TBK1: variants seen among roughly 807,000 people sequenced by gnomAD.
TBK1 encodes the protein TANK binding kinase 1, also known as serine/threonine-protein kinase TBK1.
TBK1 carries 37 observed loss-of-function variants against 99.9 expected under a neutral mutation model. The observed-to-expected ratio is 0.37, with a 90% CI of 0.28 to 0.49. The LOEUF is 0.49. TBK1 is among the 20% of genes least tolerant of loss of function. The probability of loss-of-function intolerance (pLI) is 0.98; values close to 1 mark genes in which losing one functional copy is unlikely to be tolerated. For missense variants in TBK1, 644 were observed against 872.5 expected (o/e 0.74, Z 3.30); for synonymous variants, 258 against 279.8 (o/e 0.92, Z 0.78).
chr12:64,496,419 A>G lies in TBK1; in HGVS notation c.1760+13A>G. The G allele has an allele frequency of 8.2e-7, 1 of 1,224,706 alleles. No individual in the cohort carries two copies. The highest frequency in any genetic ancestry group is 2.4e-5 in the Admixed American group (1 of 40,894). 75.9% of individuals were successfully genotyped at this position (1,224,706 alleles called of 1,614,324 possible). A position where few individuals can be genotyped will look rare whatever the true frequency, so the allele number is the denominator to read the frequency against. ...ACAAATTTGATAAGTAAGTATCCAG[A>G]TTATGTTTAATAGTTATTTTTGGTG... On this transcript the variant is annotated intron_variant, in intron 16 of 20. Transcript: ENST00000331710.
intron 16 of TBK1, 87 bp downstream of exon 16, chr12:64,496,493 A>C (rs1316509565): frequency 1.6e-6 from 1 of 621,114 alleles, no homozygotes; most frequent in Non-Finnish European, 2.5e-6. Flanking sequence ...GTTGAAATTA[A>C]TTACAATTTA....
intron 3 of TBK1, among the ~76,000 whole-genome samples, chr12:64,463,573 GCCCGTAAT>G (rs1453419208): frequency 6.6e-6 from 1 of 151,410 alleles, no homozygotes; most frequent in Non-Finnish European, 1.5e-5. Context: ...GGTGGAGCAT[GCCCGTAAT>G]CCCAGCTACT....
chr12:64,492,867 G>A (rs1045181400), intron 13 of TBK1, among the ~76,000 whole-genome samples: 3 of 146,974 alleles, frequency 2.0e-5, no homozygotes, highest in Non-Finnish European at 4.5e-5. Context: ...GACTTCAGGC[G>A]CCCGCCACCA....
chr12:64,499,037 C>CTTTTTT (rs763709411), intron 20 of TBK1, among the ~76,000 whole-genome samples: 9 of 79,256 alleles, frequency 1.1e-4, no homozygotes, highest in East Asian at 4.2e-4. Flanking sequence ...TAATTTTATT[C>CTTTTTT]TTTTTTTTTT....
chr12:64,469,869 G>A (rs1296014382), intron 5 of TBK1, among the ~76,000 whole-genome samples: 1 of 151,290 alleles, frequency 6.6e-6, no homozygotes, highest in Non-Finnish European at 1.5e-5. Flanking sequence ...CCAGCTCCTT[G>A]TCTCTGGAGC....
At chr12:64,468,861 CT>C (rs1329842914) in intron 5 of TBK1, among the ~76,000 whole-genome samples, 2 of 152,134 alleles carry the variant, frequency 1.3e-5, no homozygotes, top group East Asian at 1.9e-4. Context: ...GTGCCGTTCC[CT>C]GGCCCTGTGA....
intron 2 of TBK1, 72 bp from the exon 3 acceptor site, chr12:64,460,117 G>A (rs940889834): frequency 9.4e-6 from 10 of 1,062,586 alleles, no homozygotes; most frequent in Non-Finnish European, 1.3e-5. Context: ...GCAATAGCGA[G>A]TTCTAATGCT....
At chr12:64,475,765 T>C (rs2040705336) in intron 6 of TBK1, among the ~76,000 whole-genome samples, 1 of 152,232 alleles carries the variant, frequency 6.6e-6, no homozygotes, top group African/African-American at 2.4e-5. Flanking sequence ...CAGTCTGCCA[T>C]TGATGGGAAC....
At chr12:64,461,299 T>C (rs2040546398) in intron 3 of TBK1, among the ~76,000 whole-genome samples, 1 of 152,182 alleles carries the variant, frequency 6.6e-6, no homozygotes, top group African/African-American at 2.4e-5. Flanking sequence ...TATAAAAGAA[T>C]TGATTTTTTT....
rs369067312 is a variant in TBK1 at position 64,497,735 on chromosome 12, T to C, written c.2047T>C (p.Leu683=). 4.6e-5 allele frequency: 74 copies of C among 1,603,914 alleles called. No individual in the cohort carries two copies. The highest frequency in any genetic ancestry group is 6.3e-5 in the Non-Finnish European group (74 of 1,175,238). ...CCCAATTTATCCAAGTTCTAACACA[T>C]TAGTAGAAATGACTCTTGGGTAAGA... is the stretch of plus-strand genomic sequence containing the variant. ...MTPIYPSSNT[L]VEMTLGMKKL... is the part of the protein sequence containing the mutation. Residue 683 remains leucine (L), a synonymous_variant, in exon 19 of 21, where the codon TTA becomes CTA. Transcript: ENST00000331710.
intron 20 of TBK1, among the ~76,000 whole-genome samples, chr12:64,498,332 T>G (rs2040951198): frequency 6.6e-6 from 1 of 152,248 alleles, no homozygotes. Context: ...TTCAATTTGG[T>G]GAATCAGAGT....
chr12:64,489,680 T>C (rs2040850493), intron 12 of TBK1, among the ~76,000 whole-genome samples: 1 of 151,560 alleles, frequency 6.6e-6, no homozygotes, highest in East Asian at 1.9e-4. Context: ...GCGATTCTCC[T>C]GCCTCAGCCT....
intron 13 of TBK1, among the ~76,000 whole-genome samples, chr12:64,492,893 GTTTGT>G (rs1490408079): frequency 8.0e-6 from 1 of 125,544 alleles, no homozygotes; most frequent in Non-Finnish European, 1.7e-5. Flanking sequence ...AGCTAATTTT[GTTTGT>G]TTTTTTTTTT....
chr12:64,484,086 A>G, intron 8 of TBK1: 1 of 400,798 alleles, frequency 2.5e-6, no homozygotes, highest in Non-Finnish European at 4.5e-6. Context: ...TATATTACAC[A>G]GGTATCCAAA....
intron 18 of TBK1, among the ~76,000 whole-genome samples, 184 bp from the exon 19 acceptor site, chr12:64,497,464 G>C (rs1279095287): frequency 6.6e-6 from 1 of 151,950 alleles, no homozygotes. Flanking sequence ...TGTATGAAAA[G>C]TTTCTTTCTT....
At chr12:64,477,289 A>G (rs1294794366) in intron 6 of TBK1, among the ~76,000 whole-genome samples, 1 of 152,124 alleles carries the variant, frequency 6.6e-6, no homozygotes, top group East Asian at 1.9e-4. Flanking sequence ...GATTCTTCCA[A>G]CCCATGCGCA....
Position 64,464,246 on chromosome 12 carries a change from C to T in TBK1, c.229-88C>T, listed in dbSNP as rs1200627873. ...AGTGCCTTCATCATTGTAGCAAATC[C>T]TACATTTAAATGAAATCAGATAAGT... On this transcript the variant is annotated intron_variant, in intron 3 of 20. Transcript: ENST00000331710. The T allele has an allele frequency of 4.5e-6, 5 of 1,117,072 alleles. No individual in the cohort carries two copies. The African/African-American group carries it at 4.7e-5, about 11-fold the overall frequency. The allele number at this position is 1,117,072 out of a possible 1,614,324, so 69.2% of individuals were successfully genotyped here.
intron 13 of TBK1, among the ~76,000 whole-genome samples, chr12:64,494,037 C>T (rs2040899604): frequency 6.6e-6 from 1 of 152,124 alleles, no homozygotes; most frequent in African/African-American, 2.4e-5. Flanking sequence ...TTTCACTCTT[C>T]TATGTAATGC....
rs73313869 is a variant in TBK1 at position 64,467,061 on chromosome 12, G to A, written c.519G>A (p.Leu173=). 760 of 1,605,044 alleles carry A rather than the reference G, an allele frequency of 4.7e-4. 1 individual carries two copies. In the African/African-American group the frequency reaches 8.9e-3, roughly 19 times the overall value. ...AAGATGATGAGCAGTTTGTTTCTCTGTATGGCACAGAAGAATATTTGGTAA... is the reference window on the plus strand; with the variant it reads ...AAGATGATGAGCAGTTTGTTTCTCTATATGGCACAGAAGAATATTTGGTAA... ...ELEDDEQFVS[L]YGTEEYLHPD... The change falls in exon 5 of 21, where the codon CTG becomes CTA. Residue 173 remains leucine, a synonymous_variant. Coordinates refer to ENST00000331710, the MANE Select transcript of TBK1 (RefSeq NM_013254.4).
Sources: allele counts gnomAD v4.1 joint callset (sites outside exome capture counted in the v4.1 genomes callset), GRCh38; gene constraint gnomAD v4.1.1; transcripts MANE v1.5; gene names NCBI Gene and HGNC (gene_info 2026-07-23, HGNC 2026-07-21).